Variants in SAMD5 observed in about 807,000 individuals in gnomAD.
SAMD5 encodes the protein sterile alpha motif domain containing 5.
Under a neutral mutation model 11.3 loss-of-function variants are expected in SAMD5, and 13 were observed. The ratio of observed to expected loss-of-function variants is 1.15; its 90% CI spans 0.75 to 1.83. The LOEUF is 1.83. Among genes scored for constraint, SAMD5 ranks in the 40% most tolerant of loss-of-function variants. The pLI is 0.00. For synonymous variants in SAMD5, 129 were observed against 111.3 expected, an observed-to-expected ratio of 1.16 and a Z score of -1.00; for missense variants, 255 against 239.1, an observed-to-expected ratio of 1.07 and a Z score of -0.44.
At chr6:147,643,808 A>AGGCAG (rs1790352361) in intron 1 of SAMD5, among the ~76,000 whole-genome samples, 1 of 141,738 alleles carries the variant, frequency 7.1e-6, no homozygotes, top group Non-Finnish European at 1.6e-5. Flanking sequence ...AGAGAGAGAG[A>AGGCAG]GAAAGAAAGA....
chr6:147,620,458 C>A (rs2128450148), intron 1 of SAMD5, among the ~76,000 whole-genome samples: 1 of 152,276 alleles, frequency 6.6e-6, no homozygotes, highest in Admixed American at 6.5e-5. Context: ...TATTGTGCAC[C>A]AATTATGTGC....
In SAMD5 at chr6:147,669,713, G is replaced by A. The variant is rs527313073; in HGVS notation, c.163-67604G>A. Among the ~76,000 whole-genome samples, 3 of 152,154 alleles carry A rather than the reference G, an allele frequency of 2.0e-5. No individual in the cohort carries two copies. The South Asian group carries it at 6.2e-4, about 32-fold the overall frequency. On this transcript the variant is annotated intron_variant, in intron 1 of 1. Coordinates refer to the SAMD5 transcript ENST00000566741. Reference sequence around the variant, plus strand: ...CCTAAAGTGCTGGGATTACAGGCGTGATCCACCACACCCAGCCTAGCTCCA... The same window carrying A: ...CCTAAAGTGCTGGGATTACAGGCGTAATCCACCACACCCAGCCTAGCTCCA...
intron 1 of SAMD5, among the ~76,000 whole-genome samples, chr6:147,613,562 A>C (rs1424794757): frequency 2.0e-5 from 3 of 151,604 alleles, no homozygotes; most frequent in Admixed American, 6.6e-5. Context: ...GTCTGGGTAG[A>C]GGTATAATGA....
chr6:147,849,933 A>C, the SAMD5 span, among the ~76,000 whole-genome samples: 1 of 152,224 alleles, frequency 6.6e-6, no homozygotes, highest in South Asian at 2.1e-4. Context: ...CATTTGTCTG[A>C]AGATAAGAGT....
chr6:147,660,080 G>A (rs956168415), intron 1 of SAMD5, among the ~76,000 whole-genome samples: 1 of 152,184 alleles, frequency 6.6e-6, no homozygotes, highest in African/African-American at 2.4e-5. Flanking sequence ...GAAGCTTTGA[G>A]GTTGCTGCAC....
the SAMD5 span, among the ~76,000 whole-genome samples, chr6:147,822,878 G>A: frequency 2.1e-3 from 319 of 152,252 alleles, no homozygotes; most frequent in African/African-American, 7.3e-3. Flanking sequence ...GCAGTGGCAC[G>A]ATCTCAGCTC....
intron 1 of SAMD5, among the ~76,000 whole-genome samples, chr6:147,599,235 G>C (rs1789580760): frequency 6.6e-6 from 1 of 152,152 alleles, no homozygotes; most frequent in Non-Finnish European, 1.5e-5. Context: ...GAATGTATAG[G>C]TTTCTTGAAA....
At chr6:147,768,986 G>T in the SAMD5 span, among the ~76,000 whole-genome samples, 1 of 152,132 alleles carries the variant, frequency 6.6e-6, no homozygotes, top group Non-Finnish European at 1.5e-5. Context: ...TAGAGATGGG[G>T]TTTCACCATT....
the SAMD5 span, among the ~76,000 whole-genome samples, chr6:147,755,450 A>G: frequency 6.6e-6 from 1 of 152,140 alleles, no homozygotes; most frequent in Admixed American, 6.6e-5. Flanking sequence ...GCCACTGTCA[A>G]TGGTACTCAT....
intron 1 of SAMD5, among the ~76,000 whole-genome samples, chr6:147,557,009 T>C (rs2128443682): frequency 6.6e-6 from 1 of 152,366 alleles, no homozygotes; most frequent in Non-Finnish European, 1.5e-5. Context: ...CTAGTTTTGA[T>C]GCTGTAACCA....
At chr6:147,929,603 G>GAC in the SAMD5 span, among the ~76,000 whole-genome samples, 1 of 152,100 alleles carries the variant, frequency 6.6e-6, no homozygotes, top group Non-Finnish European at 1.5e-5. Flanking sequence ...GTAATGCTTA[G>GAC]ACATGGCATC....
In SAMD5 at chr6:147,568,444, G is replaced by A; in HGVS notation, c.*3988G>A. Reference sequence around the variant, plus strand: ...AATATTTGATTAGGTATCAAAATAGGTTTAGGCAGGTGGAAGTTCTGAATT... The same window carrying A: ...AATATTTGATTAGGTATCAAAATAGATTTAGGCAGGTGGAAGTTCTGAATT... On this transcript the variant is annotated 3_prime_UTR_variant, in exon 2 of 2. Transcript: ENST00000367474. 1 of 985,330 alleles carries A rather than the reference G, an allele frequency of 1.0e-6. No homozygotes were observed. Among genetic ancestry groups the A allele is most frequent in the Admixed American group, 6.1e-5 (1 of 16,288 alleles). The allele number at this position is 985,330 out of a possible 1,614,324, so 61.0% of individuals were successfully genotyped here. A position where few individuals can be genotyped will look rare whatever the true frequency, so the allele number is the denominator to read the frequency against.
chr6:147,937,853 C>T, the SAMD5 span, among the ~76,000 whole-genome samples: 1 of 151,922 alleles, frequency 6.6e-6, no homozygotes, highest in African/African-American at 2.4e-5. Flanking sequence ...CAGGTGCTTG[C>T]CTTAAAAATC....
At chr6:147,867,830 A>AG in the SAMD5 span, among the ~76,000 whole-genome samples, 1 of 152,206 alleles carries the variant, frequency 6.6e-6, no homozygotes, top group Non-Finnish European at 1.5e-5. Flanking sequence ...AGCTTAAAAA[A>AG]TTGGTGGCTG....
chr6:147,559,716 T>C (rs7755158), intron 1 of SAMD5, among the ~76,000 whole-genome samples: 1,911 of 152,338 alleles, frequency 0.013, 41 homozygotes, highest in African/African-American at 0.042. Flanking sequence ...AAAATACATG[T>C]AGATCATAAT....
intron 1 of SAMD5, among the ~76,000 whole-genome samples, chr6:147,551,933 AAGCTCCTATC>A (rs955541307): frequency 2.0e-5 from 3 of 151,334 alleles, no homozygotes; most frequent in African/African-American, 7.3e-5. Context: ...CACACAGAGG[AAGCTCCTATC>A]AGCAGAAGAG....
the SAMD5 span, among the ~76,000 whole-genome samples, chr6:147,879,239 C>T: frequency 6.9e-4 from 105 of 152,314 alleles, no homozygotes; most frequent in Admixed American, 1.6e-3. Flanking sequence ...ACTGCTTCTG[C>T]GCAAGCAATA....
chr6:147,809,307 G>A, the SAMD5 span, among the ~76,000 whole-genome samples: 1 of 152,070 alleles, frequency 6.6e-6, no homozygotes. Context: ...CTGAGACACA[G>A]TACAGATTTC....
chr6:147,827,422 GA>G, the SAMD5 span, among the ~76,000 whole-genome samples: 7,303 of 150,466 alleles, frequency 0.049, 205 homozygotes, highest in African/African-American at 0.057. Flanking sequence ...AGGAATGGGC[GA>G]AAAAAAAATC....
Sources: allele counts gnomAD v4.1 joint callset (sites outside exome capture counted in the v4.1 genomes callset), GRCh38; gene constraint gnomAD v4.1.1; transcripts MANE v1.5; gene names NCBI Gene and HGNC (gene_info 2026-07-23, HGNC 2026-07-21).